Variants in ODAD2 observed in about 807,000 individuals in gnomAD.
The protein encoded by ODAD2 is outer dynein arm docking complex subunit 2.
Under a neutral mutation model 106.8 loss-of-function variants are expected in ODAD2, and 89 were observed. The observed-to-expected ratio is 0.83, with a 90% CI of 0.70 to 0.99. The LOEUF (loss-of-function observed/expected upper bound fraction) is 0.99, where lower values mean the gene tolerates loss of function less well. Ranked by LOEUF, ODAD2 falls within the 50% of genes least tolerant of loss-of-function variation. The pLI, the probability that ODAD2 is intolerant of heterozygous loss-of-function variation, is 0.00. For missense variants in ODAD2, 1,168 were observed against 1,238.5 expected (o/e 0.94, Z 0.85); for synonymous variants, 404 against 436.2 (o/e 0.93, Z 0.92).
At chr10:27,870,670 C>A (rs540271932) in intron 17 of ODAD2, among the ~76,000 whole-genome samples, 1 of 152,242 alleles carries the variant, frequency 6.6e-6, no homozygotes, top group African/African-American at 2.4e-5. Context: ...CATGTCCCTA[C>A]AAAGGACATG....
At chr10:27,897,390 T>G (rs1842928117) in intron 17 of ODAD2, among the ~76,000 whole-genome samples, 1 of 152,208 alleles carries the variant, frequency 6.6e-6, no homozygotes, top group South Asian at 2.1e-4. Context: ...CCTCAGACGA[T>G]GTTATTCCCA....
At chr10:27,975,119 T>C (rs1849110504) in intron 7 of ODAD2, among the ~76,000 whole-genome samples, 1 of 152,178 alleles carries the variant, frequency 6.6e-6, no homozygotes, top group Non-Finnish European at 1.5e-5. Context: ...GTTGCTGAAG[T>C]TGTTTACCAG....
At chr10:27,874,533 T>C (rs1016721077) in intron 17 of ODAD2, among the ~76,000 whole-genome samples, 8 of 152,084 alleles carry the variant, frequency 5.3e-5, no homozygotes, top group Admixed American at 2.0e-4. Context: ...TTCAGGAGCT[T>C]TTGTAGGGCA....
rs527335200 is a variant in ODAD2, at chr10:27,995,916, T to A, written c.-38-736A>T. On this transcript the variant is annotated intron_variant, in intron 1 of 19. Coordinates refer to ENST00000305242, the MANE Select transcript of ODAD2 (RefSeq NM_018076.5). ...CCTTCTTAAGAGTTAATGTGAGAGA[T>A]GTAGGAATAAGTGAGACTCTTTCAG... Among the ~76,000 whole-genome samples, 3 of 152,320 alleles carry A rather than the reference T, an allele frequency of 2.0e-5. No individual in the cohort carries two copies. In the East Asian group the frequency reaches 5.8e-4, roughly 29 times the overall value.
intron 19 of ODAD2, among the ~76,000 whole-genome samples, chr10:27,818,115 G>T (rs1242297818): frequency 6.6e-6 from 1 of 151,228 alleles, no homozygotes; most frequent in East Asian, 1.9e-4. Flanking sequence ...AGCGCTGCCA[G>T]CCTGGATGCC....
At chr10:27,939,816 A>T in intron 14 of ODAD2, 81 bp downstream of exon 14, 4 of 692,460 alleles carry the variant, frequency 5.8e-6, no homozygotes, top group African/African-American at 1.9e-5. Flanking sequence ...CCATTCTCAC[A>T]GAAGGAAACC....
intron 16 of ODAD2, among the ~76,000 whole-genome samples, chr10:27,924,851 A>G (rs999384235): frequency 2.0e-5 from 3 of 151,556 alleles, no homozygotes; most frequent in Non-Finnish European, 4.4e-5. Flanking sequence ...ACCACTTTAC[A>G]TAGAAGAACT....
chr10:27,964,506 G>A (rs1371381392), intron 9 of ODAD2, among the ~76,000 whole-genome samples: 1 of 152,190 alleles, frequency 6.6e-6, no homozygotes, highest in East Asian at 1.9e-4. Context: ...AGGGCCTGCT[G>A]GCTGCCAGGT....
chr10:27,890,359 A>AT (rs2133696494), intron 17 of ODAD2, among the ~76,000 whole-genome samples: 1 of 152,334 alleles, frequency 6.6e-6, no homozygotes, highest in East Asian at 1.9e-4. Context: ...ATATAATGAC[A>AT]TAATTTAATA....
intron 17 of ODAD2, among the ~76,000 whole-genome samples, chr10:27,877,775 T>C (rs905923794): frequency 1.3e-5 from 2 of 152,204 alleles, no homozygotes; most frequent in Non-Finnish European, 2.9e-5. Context: ...AATGTTCATC[T>C]GTAATGGCAA....
chr10:27,822,657 T>C (rs1485269377), intron 19 of ODAD2, among the ~76,000 whole-genome samples: 1 of 152,212 alleles, frequency 6.6e-6, no homozygotes, highest in African/African-American at 2.4e-5. Flanking sequence ...TCATTTCACA[T>C]GACAGCTCAC....
In ODAD2 at chr10:27,971,273, T is replaced by C; in HGVS notation, c.977A>G (p.Gln326Arg). Reference protein sequence around the residue: ...FSEDQQKEKDQLGKAPKKEEA... With the variant: ...FSEDQQKEKDRLGKAPKKEEA... ...TTCCTTCTTGGGGGCTTTGCCAAGCTGATCCTTTTCCTTTTGCTGGTCTTC... is the reference window on the plus strand; with the variant it reads ...TTCCTTCTTGGGGGCTTTGCCAAGCCGATCCTTTTCCTTTTGCTGGTCTTC... The change falls in exon 8 of 20, where the codon CAG becomes CGG. Residue 326 changes from glutamine to arginine, a missense_variant. Physicochemically the swap from Gln to Arg is conservative, Grantham distance 43. Around this residue, in one of 3 missense-constraint regions of ODAD2, gnomAD observed 430 missense variants for 452.2 expected, o/e 0.95. Transcript: ENST00000305242. 6.2e-7 allele frequency: 1 copy of C among 1,613,144 alleles called. No individual in the cohort carries two copies. Among genetic ancestry groups the C allele is most frequent in the Non-Finnish European group, 8.5e-7 (1 of 1,179,572 alleles).
intron 19 of ODAD2, among the ~76,000 whole-genome samples, chr10:27,817,441 ACCAC>A (rs954520720): frequency 1.3e-4 from 20 of 152,148 alleles, no homozygotes; most frequent in Non-Finnish European, 2.9e-5. Flanking sequence ...TAATGCACCC[ACCAC>A]CCATATAGTG....
rs113468379 is a variant in ODAD2, at chr10:27,919,944, G to A, written c.2496-12167C>T. 1.5e-3 allele frequency among the ~76,000 whole-genome samples: 224 copies of A among 152,120 alleles called. No individual in the cohort carries two copies. The Middle Eastern group carries it at 0.027, about 18-fold the overall frequency. ...AAACAATTAAGTGTAAAAATAACCCGTAATTTAGAACAAAATGTCAGATAA... is the reference window on the plus strand; with the variant it reads ...AAACAATTAAGTGTAAAAATAACCCATAATTTAGAACAAAATGTCAGATAA... On this transcript the variant is annotated intron_variant, in intron 16 of 19. Coordinates refer to ENST00000305242, the MANE Select transcript of ODAD2 (RefSeq NM_018076.5).
intron 2 of ODAD2, 38 bp downstream of exon 2, chr10:27,994,881 C>T (rs754323497): frequency 1.6e-5 from 25 of 1,606,616 alleles, no homozygotes; most frequent in African/African-American, 1.3e-4. Context: ...CTATGTACAA[C>T]GAAGATATCA....
intron 17 of ODAD2, among the ~76,000 whole-genome samples, chr10:27,875,939 C>T (rs899873979): frequency 1.3e-5 from 2 of 152,174 alleles, no homozygotes; most frequent in Admixed American, 6.5e-5. Context: ...CACAGAGCCT[C>T]GCTCATTGCT....
At chr10:27,966,536 T>C (rs565301293) in intron 9 of ODAD2, among the ~76,000 whole-genome samples, 1 of 152,306 alleles carries the variant, frequency 6.6e-6, no homozygotes, top group South Asian at 2.1e-4. Context: ...CTATTTGATA[T>C]GATTTCTTCC....
At chr10:27,864,560 G>A (rs12220076) in intron 17 of ODAD2, among the ~76,000 whole-genome samples, 3 of 146,510 alleles carry the variant, frequency 2.0e-5, no homozygotes, top group African/African-American at 8.0e-5. Flanking sequence ...TGAGGTGAGA[G>A]CGGGGAGTGA....
At chr10:27,837,132 T>C (rs1357342900) in intron 19 of ODAD2, among the ~76,000 whole-genome samples, 1 of 152,168 alleles carries the variant, frequency 6.6e-6, no homozygotes, top group African/African-American at 2.4e-5. Flanking sequence ...AATTCCACCG[T>C]TAAAAGACAC....
Sources: gnomAD v4.1 joint callset for allele counts (sites outside exome capture counted in the v4.1 genomes callset) on GRCh38, gnomAD v4.1.1 for gene constraint, gnomAD v4.1.1 regional missense constraint, MANE v1.5 for transcripts, NCBI Gene and HGNC (gene_info 2026-07-23, HGNC 2026-07-21) for gene names.